COL5A2: variants seen among roughly 807,000 people sequenced by gnomAD.
COL5A2 encodes the protein collagen type V alpha 2 chain, also known as collagen alpha-2(V) chain.
COL5A2 carries 23 observed loss-of-function variants against 208.2 expected under a neutral mutation model. That is an observed-to-expected ratio of 0.11 (90% CI 0.08 to 0.16). The LOEUF is 0.16. Ranked by LOEUF, COL5A2 falls within the 10% of genes least tolerant of loss-of-function variation. The pLI, the probability that COL5A2 is intolerant of heterozygous loss-of-function variation, is 1.00. For synonymous variants in COL5A2, 625 were observed against 628.5 expected (o/e 0.99, Z 0.08); for missense variants, 1,590 against 1,956.4 (o/e 0.81, Z 3.53).
At chr2:189,234,697 T>C in the COL5A2 span, among the ~76,000 whole-genome samples, 1 of 151,784 alleles carries the variant, frequency 6.6e-6, no homozygotes, top group East Asian at 1.9e-4. Context: ...TTAGCTCCGC[T>C]AATTACTTGC....
chr2:189,428,972 AG>A, the COL5A2 span, among the ~76,000 whole-genome samples: 3 of 152,294 alleles, frequency 2.0e-5, 1 homozygote, highest in African/African-American at 2.4e-5. Context: ...AGTGGTTGTT[AG>A]GGAGATTTTG....
chr2:189,433,916 C>T, the COL5A2 span, among the ~76,000 whole-genome samples: 1 of 152,182 alleles, frequency 6.6e-6, no homozygotes, highest in Non-Finnish European at 1.5e-5. Context: ...TGATGAACAT[C>T]GATGCAAAAA....
chr2:189,354,265 G>T, the COL5A2 span, among the ~76,000 whole-genome samples: 2 of 152,118 alleles, frequency 1.3e-5, no homozygotes, highest in Non-Finnish European at 1.5e-5. Context: ...TCTCTGCCAG[G>T]TTTTGCTATT....
the COL5A2 span, among the ~76,000 whole-genome samples, chr2:189,238,079 A>T: frequency 2.0e-5 from 3 of 151,186 alleles, no homozygotes; most frequent in Non-Finnish European, 4.4e-5. Flanking sequence ...CATCAAAATA[A>T]ATATGTATAA....
chr2:189,060,811 G>A (rs1207550259), intron 30 of COL5A2, 28 bp from the exon 31 acceptor site: 1 of 1,588,302 alleles, frequency 6.3e-7, no homozygotes. Context: ...AAATAAAATT[G>A]TGAATCTGTG....
chr2:189,120,788 T>C (rs1379525238), intron 1 of COL5A2, among the ~76,000 whole-genome samples: 1 of 152,222 alleles, frequency 6.6e-6, no homozygotes, highest in African/African-American at 2.4e-5. Flanking sequence ...AGATCCTCTG[T>C]GTGAGTTTCA....
chr2:189,294,467 T>G, the COL5A2 span, among the ~76,000 whole-genome samples: 1 of 152,218 alleles, frequency 6.6e-6, no homozygotes, highest in Non-Finnish European at 1.5e-5. Context: ...ATACCCCTTT[T>G]TAGTTATTTC....
chr2:189,260,774 C>T, the COL5A2 span, among the ~76,000 whole-genome samples: 1 of 152,146 alleles, frequency 6.6e-6, no homozygotes, highest in African/African-American at 2.4e-5. Context: ...AATTACATTA[C>T]AGTAGTTGGA....
At position 189,041,605 on chromosome 2, in the gene COL5A2, A is replaced by G. The variant is rs148110552; in HGVS notation, c.3614T>C (p.Val1205Ala). 4.1e-5 allele frequency: 66 copies of G among 1,613,712 alleles called. No individual in the cohort carries two copies. In the Middle Eastern group the frequency reaches 1.8e-3, roughly 44 times the overall value. The change falls in exon 50 of 54, where the codon GTA becomes GCA. Residue 1205 changes from valine to alanine, a missense_variant. Transcript: ENST00000374866. ...PIGPPGVRGS[V>A]GEAGPEGPPG... Reference sequence around the variant, plus strand: ...CTTTACCTCAGGTCCTGCTTCTCCTACACTGCCTCGTACACCTGGAGGTCC... The same window carrying G: ...CTTTACCTCAGGTCCTGCTTCTCCTGCACTGCCTCGTACACCTGGAGGTCC...
At chr2:189,422,021 G>A in the COL5A2 span, among the ~76,000 whole-genome samples, 1 of 152,012 alleles carries the variant, frequency 6.6e-6, no homozygotes, top group Non-Finnish European at 1.5e-5. Context: ...CTCTGGACAG[G>A]CTTACTATTG....
Position 189,072,678 on chromosome 2 carries a change from A to C in COL5A2, c.1105-585T>G, listed in dbSNP as rs192233894. 6.7e-3 allele frequency among the ~76,000 whole-genome samples: 986 copies of C among 147,392 alleles called. 4 individuals are homozygous for C. The highest frequency in any genetic ancestry group is 0.011 in the Non-Finnish European group (747 of 67,254). ...TCCCAGCTACTTGGGAGGCTGAGGC[A>C]GGAGAATTGCTGGAACCTGGGAGGT... On this transcript the variant is annotated intron_variant, in intron 17 of 53. Coordinates refer to ENST00000374866, the MANE Select transcript of COL5A2 (RefSeq NM_000393.5).
chr2:189,236,807 G>A, the COL5A2 span, among the ~76,000 whole-genome samples: 5 of 151,900 alleles, frequency 3.3e-5, no homozygotes, highest in East Asian at 7.7e-4. Context: ...TCAAATACAT[G>A]ACAAATAAAC....
chr2:189,170,269 G>A (rs1423585519), intron 1 of COL5A2, among the ~76,000 whole-genome samples: 1 of 152,092 alleles, frequency 6.6e-6, no homozygotes, highest in Non-Finnish European at 1.5e-5. Flanking sequence ...TTGAGTGAAC[G>A]AATTGTGGAA....
chr2:189,292,186 G>A, the COL5A2 span, among the ~76,000 whole-genome samples: 1 of 152,160 alleles, frequency 6.6e-6, no homozygotes, highest in South Asian at 2.1e-4. Flanking sequence ...GGTAGATGAA[G>A]CCACATATAT....
At chr2:189,339,030 CAT>C in the COL5A2 span, among the ~76,000 whole-genome samples, 1 of 152,260 alleles carries the variant, frequency 6.6e-6, no homozygotes, top group Non-Finnish European at 1.5e-5. Flanking sequence ...AGCCTAGACA[CAT>C]GTTTAGTGTG....
chr2:189,117,297 T>C (rs528270334), intron 1 of COL5A2, among the ~76,000 whole-genome samples: 39 of 152,258 alleles, frequency 2.6e-4, no homozygotes, highest in African/African-American at 9.1e-4. Flanking sequence ...ACTAAATAGC[T>C]GCAAAACAGC....
chr2:189,332,574 T>C, the COL5A2 span, among the ~76,000 whole-genome samples: 2 of 152,166 alleles, frequency 1.3e-5, no homozygotes, highest in Non-Finnish European at 2.9e-5. Context: ...TGAGATCTGA[T>C]GGTTTTTATA....
At chr2:189,264,848 C>T in the COL5A2 span, among the ~76,000 whole-genome samples, 5 of 152,116 alleles carry the variant, frequency 3.3e-5, no homozygotes, top group East Asian at 9.7e-4. Flanking sequence ...AAAATATTGC[C>T]TAAAGAGAAA....
At position 189,098,653 on chromosome 2, in the gene COL5A2, A is replaced by G. The variant is rs1210381303; in HGVS notation, c.402+74T>C. On this transcript the variant is annotated intron_variant, in intron 5 of 53. Coordinates refer to ENST00000374866, the MANE Select transcript of COL5A2 (RefSeq NM_000393.5). ...GTTTAATTCTTTTATCTTCTCATGGATATAATATCTGTAAAGATTTTCAGT... is the reference window on the plus strand; with the variant it reads ...GTTTAATTCTTTTATCTTCTCATGGGTATAATATCTGTAAAGATTTTCAGT... 4 of 1,130,566 alleles carry G rather than the reference A, an allele frequency of 3.5e-6. No homozygotes were observed. In the East Asian group the frequency reaches 7.1e-5, roughly 20 times the overall value. The allele number at this position is 1,130,566 out of a possible 1,614,324, so 70.0% of individuals were successfully genotyped here. A position where few individuals can be genotyped will look rare whatever the true frequency, so the allele number is the denominator to read the frequency against.
Sources: allele counts gnomAD v4.1 joint callset (sites outside exome capture counted in the v4.1 genomes callset), GRCh38; gene constraint gnomAD v4.1.1; transcripts MANE v1.5; gene names NCBI Gene and HGNC (gene_info 2026-07-23, HGNC 2026-07-21).